The following TUT4 variants were observed in gnomAD, a reference collection of about 807,000 sequenced individuals.
The protein encoded by TUT4 is terminal uridylyl transferase 4.
In TUT4, 36 loss-of-function variants were observed where a neutral mutation model predicts 192.2. That is an observed-to-expected ratio of 0.19 (90% confidence interval 0.14 to 0.25). TUT4 has a LOEUF of 0.25. Ranked by LOEUF, TUT4 falls within the 10% of genes least tolerant of loss-of-function variation. The pLI is 1.00. For synonymous variants in TUT4, 618 were observed against 666.0 expected (o/e 0.93, Z 1.11); for missense variants, 1,493 against 1,957.2 (o/e 0.76, Z 4.47).
chr1:52,471,801 A>G, intron 14 of TUT4, 151 bp downstream of exon 14: 2 of 797,920 alleles, frequency 2.5e-6, no homozygotes, highest in Non-Finnish European at 3.8e-6. Context: ...CCCTGCACAT[A>G]ATAGTCATTT....
At chr1:52,514,082 A>C (rs2149349323) in intron 3 of TUT4, among the ~76,000 whole-genome samples, 1 of 152,336 alleles carries the variant, frequency 6.6e-6, no homozygotes, top group Admixed American at 6.5e-5. Flanking sequence ...ATCCAAGGTC[A>C]GTTGAGATGT....
Position 52,509,713 on chromosome 1 carries a change from C to T in TUT4, c.883-1G>A. ...GACAATTGGTATATTCTGGTGATCGCTGAAGAGACAAATTTTAAAAATGCA... is the reference window on the plus strand; with the variant it reads ...GACAATTGGTATATTCTGGTGATCGTTGAAGAGACAAATTTTAAAAATGCA... On this transcript the variant is annotated splice_acceptor_variant, in intron 3 of 29. Transcript: ENST00000257177. LOFTEE classifies it high-confidence loss of function. 6.3e-7 allele frequency: 1 copy of T among 1,577,878 alleles called. No homozygotes were observed. The highest frequency in any genetic ancestry group is 8.7e-7 in the Non-Finnish European group (1 of 1,148,986).
chr1:52,540,824 G>A (rs546973711), intron 1 of TUT4, among the ~76,000 whole-genome samples: 2 of 152,268 alleles, frequency 1.3e-5, no homozygotes, highest in African/African-American at 2.4e-5. Flanking sequence ...TTAAAATACT[G>A]AGGATCCAAA....
At chr1:52,469,841 A>G (rs1035377683) in intron 14 of TUT4, among the ~76,000 whole-genome samples, 4 of 146,156 alleles carry the variant, frequency 2.7e-5, no homozygotes, top group African/African-American at 1.0e-4. Flanking sequence ...CAGTGAGCTG[A>G]GATGGCGCCA....
chr1:52,458,109 G>A (rs190185458), intron 20 of TUT4, among the ~76,000 whole-genome samples: 9 of 152,206 alleles, frequency 5.9e-5, no homozygotes, highest in African/African-American at 2.2e-4. Context: ...CATTACAAAA[G>A]ATATTCAATG....
intron 20 of TUT4, among the ~76,000 whole-genome samples, chr1:52,449,548 C>A (rs1450976579): frequency 5.3e-5 from 8 of 152,190 alleles, no homozygotes; most frequent in Non-Finnish European, 7.3e-5. Flanking sequence ...AATCTACCCC[C>A]CTCGGCCGCC....
intron 3 of TUT4, among the ~76,000 whole-genome samples, chr1:52,510,691 C>CACTATGCT (rs1676912150): frequency 6.6e-6 from 1 of 152,170 alleles, no homozygotes; most frequent in South Asian, 2.1e-4. Flanking sequence ...ATGTGCCAGG[C>CACTATGCT]ACTATGCTAG....
chr1:52,542,749 T>TTTTATTTA (rs201219934), intron 1 of TUT4, among the ~76,000 whole-genome samples: 1 of 151,474 alleles, frequency 6.6e-6, no homozygotes, highest in Non-Finnish European at 1.5e-5. Flanking sequence ...CACCATTTCT[T>TTTTATTTA]TTTATTTATT....
At chr1:52,477,954 A>C in intron 11 of TUT4, 72 bp from the exon 12 acceptor site, 1 of 1,365,024 alleles carries the variant, frequency 7.3e-7, no homozygotes, top group Non-Finnish European at 9.8e-7. Flanking sequence ...CAGTTAGAGA[A>C]GACCTTGGAG....
At chr1:52,426,192 C>G (rs1017152629) in intron 28 of TUT4, among the ~76,000 whole-genome samples, 2 of 152,144 alleles carry the variant, frequency 1.3e-5, no homozygotes, top group African/African-American at 4.8e-5. Context: ...TGAGGCCAAA[C>G]AAGTCTAAGC....
intron 1 of TUT4, among the ~76,000 whole-genome samples, chr1:52,541,936 A>G (rs1447683209): frequency 2.6e-5 from 4 of 152,234 alleles, no homozygotes; most frequent in African/African-American, 7.2e-5. Context: ...CAAAATGTGA[A>G]GGCAACCCAA....
At chr1:52,485,818 A>G (rs1369809543) in intron 9 of TUT4, among the ~76,000 whole-genome samples, 1 of 152,026 alleles carries the variant, frequency 6.6e-6, no homozygotes, top group Non-Finnish European at 1.5e-5. Context: ...TCATTTGCTT[A>G]TATTTCATTT....
chr1:52,518,665 A>G (rs187462129), intron 2 of TUT4, among the ~76,000 whole-genome samples: 2 of 152,358 alleles, frequency 1.3e-5, no homozygotes, highest in Admixed American at 1.3e-4. Context: ...ACGTTACAAC[A>G]TGGATAAACC....
intron 1 of TUT4, among the ~76,000 whole-genome samples, chr1:52,538,119 C>T (rs1034163642): frequency 6.6e-6 from 1 of 152,050 alleles, no homozygotes; most frequent in African/African-American, 2.4e-5. Flanking sequence ...ACCCATAGTC[C>T]CAGCTGCTTG....
chr1:52,468,573 A>T, intron 14 of TUT4: 1 of 223,290 alleles, frequency 4.5e-6, no homozygotes, highest in Non-Finnish European at 8.7e-6. Context: ...TTACTTCTTC[A>T]CTCTCCCCCA....
At position 52,506,038 on chromosome 1, in the gene TUT4, G is replaced by A. The variant is rs540885648; in HGVS notation, c.999+3558C>T. Among the ~76,000 whole-genome samples, 7 of 151,892 alleles carry A rather than the reference G, an allele frequency of 4.6e-5. No individual in the cohort carries two copies. In the East Asian group the frequency reaches 7.8e-4, roughly 17 times the overall value. On this transcript the variant is annotated intron_variant, in intron 4 of 29. Transcript: ENST00000257177. ...TCACCATGTTGGCCAGGCTGGTCTCGAACTCCTAACCTCAGGTGATCCGCC... is the reference window on the plus strand; with the variant it reads ...TCACCATGTTGGCCAGGCTGGTCTCAAACTCCTAACCTCAGGTGATCCGCC...
chr1:52,539,878 C>T (rs1264814793), intron 1 of TUT4, among the ~76,000 whole-genome samples: 1 of 150,334 alleles, frequency 6.7e-6, no homozygotes, highest in Admixed American at 6.7e-5. Flanking sequence ...TGCACTTTGG[C>T]CTGGGTGACA....
chr1:52,527,634 T>C (rs972201620), intron 1 of TUT4, among the ~76,000 whole-genome samples: 1 of 152,046 alleles, frequency 6.6e-6, no homozygotes, highest in African/African-American at 2.4e-5. Context: ...ACTATAATAG[T>C]GAATATCTGT....
intron 20 of TUT4, among the ~76,000 whole-genome samples, chr1:52,457,884 T>C (rs1473668528): frequency 6.6e-6 from 1 of 152,208 alleles, no homozygotes; most frequent in African/African-American, 2.4e-5. Context: ...AAGGAAGAGT[T>C]TCCCTGGGTT....
Sources: allele counts gnomAD v4.1 joint callset (sites outside exome capture counted in the v4.1 genomes callset), GRCh38; gene constraint gnomAD v4.1.1; transcripts MANE v1.5; gene names NCBI Gene and HGNC (gene_info 2026-07-23, HGNC 2026-07-21).